The following ASTN2 variants were observed in gnomAD, a reference collection of about 807,000 sequenced individuals.
ASTN2 encodes astrotactin 2, also known as astrotactin-2.
ASTN2 carries 54 observed loss-of-function variants against 139.8 expected under a neutral mutation model. That is an observed-to-expected ratio of 0.39 (90% CI 0.31 to 0.48). The LOEUF (loss-of-function observed/expected upper bound fraction) is 0.48. ASTN2 is among the 20% of genes least tolerant of loss of function. The probability of loss-of-function intolerance (pLI) is 0.95; values close to 1 mark genes in which losing one functional copy is unlikely to be tolerated. For synonymous variants in ASTN2, 756 were observed against 719.5 expected (o/e 1.05, Z -0.81); for missense variants, 1,565 against 1,725.1 (o/e 0.91, Z 1.64).
At chr9:116,761,470 A>G (rs1268989513) in intron 13 of ASTN2, among the ~76,000 whole-genome samples, 11 of 152,208 alleles carry the variant, frequency 7.2e-5, no homozygotes, top group Admixed American at 7.2e-4. Flanking sequence ...AGGTGTTCAA[A>G]GAAGACTCCT....
rs558813171 is a variant in ASTN2 at position 116,992,968 on chromosome 9, A to T, written c.1591+15124T>A. ...CCAAGCCACCACCATCTCTGGCATC[A>T]CATCAGTCTTCCCCATCAGTCTCCC... is the stretch of plus-strand genomic sequence containing the variant. On this transcript the variant is annotated intron_variant, in intron 7 of 22. Transcript: ENST00000313400. Among the ~76,000 whole-genome samples the T allele has an allele frequency of 2.6e-5, 4 of 152,270 alleles. No homozygotes were observed. The East Asian group carries it at 7.7e-4, about 29-fold the overall frequency.
chr9:116,732,539 G>A (rs898932843), intron 14 of ASTN2, among the ~76,000 whole-genome samples: 8 of 152,126 alleles, frequency 5.3e-5, no homozygotes, highest in South Asian at 2.1e-4. Flanking sequence ...CGATTCCCCC[G>A]TGACTATTCT....
chr9:116,679,479 C>G (rs940246782), intron 16 of ASTN2, among the ~76,000 whole-genome samples: 8 of 152,166 alleles, frequency 5.3e-5, no homozygotes, highest in East Asian at 1.9e-4. Context: ...TCTAATATGA[C>G]TTAGTATATG....
chr9:117,016,791 ATATATAGGT>A (rs1288094594), intron 6 of ASTN2, among the ~76,000 whole-genome samples: 1 of 119,128 alleles, frequency 8.4e-6, no homozygotes, highest in Non-Finnish European at 1.8e-5. Context: ...TATATAGGTT[ATATATAGGT>A]TATATATATG....
At chr9:117,199,357 C>T (rs951477268) in intron 3 of ASTN2, among the ~76,000 whole-genome samples, 1 of 152,174 alleles carries the variant, frequency 6.6e-6, no homozygotes, top group Non-Finnish European at 1.5e-5. Flanking sequence ...TATGGCTAGC[C>T]AGCACCATTT....
intron 3 of ASTN2, among the ~76,000 whole-genome samples, chr9:117,196,912 T>C (rs12554915): frequency 2.7e-3 from 417 of 151,968 alleles, no homozygotes; most frequent in Middle Eastern, 0.014. Context: ...CAGCTCCCCT[T>C]GAGAGAATAA....
At chr9:117,076,395 G>A (rs772693033) in intron 5 of ASTN2, among the ~76,000 whole-genome samples, 21 of 151,706 alleles carry the variant, frequency 1.4e-4, no homozygotes, top group Non-Finnish European at 2.6e-4. Flanking sequence ...AAGGAAAGAA[G>A]GAAGGAGAAA....
intron 1 of ASTN2, among the ~76,000 whole-genome samples, chr9:117,325,791 G>T (rs891731357): frequency 1.3e-5 from 2 of 152,090 alleles, no homozygotes; most frequent in African/African-American, 4.8e-5. Context: ...GAACAGAGGT[G>T]GAAGAAGAAA....
chr9:116,901,763 C>T (rs773855074), intron 10 of ASTN2, among the ~76,000 whole-genome samples: 26 of 152,142 alleles, frequency 1.7e-4, no homozygotes, highest in Non-Finnish European at 2.4e-4. Context: ...AGGCCAGGCA[C>T]GGTGGCTCAC....
rs746020940 is a variant in ASTN2, at chr9:116,820,775, C to T, written c.2049G>A (p.Glu683=). ...QVDSSGCVCP[E]ELKPMKDGSG... ...AGCCATCCTTCATGGGTTTCAGCTCCTCAGGGCACTGCTCAGAGAGAGGGC... is the reference window on the plus strand; with the variant it reads ...AGCCATCCTTCATGGGTTTCAGCTCTTCAGGGCACTGCTCAGAGAGAGGGC... Residue 683 remains glutamate (E), a synonymous_variant, in exon 12 of 23, where the codon GAG becomes GAA. Transcript: ENST00000313400. 1.2e-6 allele frequency: 2 copies of T among 1,613,520 alleles called. No homozygotes were observed. The highest frequency in any genetic ancestry group is 1.7e-5 in the Admixed American group (1 of 59,970).
chr9:116,766,305 C>A (rs1162735012), intron 13 of ASTN2, among the ~76,000 whole-genome samples: 1 of 152,082 alleles, frequency 6.6e-6, no homozygotes, highest in African/African-American at 2.4e-5. Context: ...CAGTTACACT[C>A]ACATACACTT....
intron 19 of ASTN2, among the ~76,000 whole-genome samples, chr9:116,544,496 T>C (rs980161034): frequency 2.6e-5 from 4 of 152,220 alleles, no homozygotes; most frequent in Non-Finnish European, 4.4e-5. Context: ...TTATTTGCTA[T>C]GTTTCCCCAT....
At chr9:116,426,514 T>C (rs1429657383) in intron 22 of ASTN2, among the ~76,000 whole-genome samples, 2 of 152,168 alleles carry the variant, frequency 1.3e-5, no homozygotes, top group East Asian at 3.9e-4. Context: ...ATCCTGAATG[T>C]ATTGTCTACC....
chr9:116,928,467 G>GT (rs1834817924), intron 10 of ASTN2, among the ~76,000 whole-genome samples: 2 of 152,060 alleles, frequency 1.3e-5, no homozygotes, highest in Non-Finnish European at 2.9e-5. Flanking sequence ...AATCTTTGTC[G>GT]TAACAGCTGT....
chr9:117,312,802 G>C (rs377501083), intron 1 of ASTN2, among the ~76,000 whole-genome samples: 28 of 152,098 alleles, frequency 1.8e-4, no homozygotes, highest in African/African-American at 6.5e-4. Flanking sequence ...TGAAATGAAA[G>C]GATCAGATGT....
chr9:117,231,518 TAAAAC>T lies in ASTN2; in HGVS notation c.631-16781_631-16777del, dbSNP rs531351914. 5.3e-5 allele frequency among the ~76,000 whole-genome samples: 8 copies of T among 152,272 alleles called. No individual in the cohort carries two copies. The East Asian group carries it at 1.4e-3, about 26-fold the overall frequency. Reference sequence around the variant, plus strand: ...AATCTATCTGATATAATTGTAAAAATAAAACAAAATAATCGATACATTGGTTTGAA... The same window carrying T: ...AATCTATCTGATATAATTGTAAAAATAAAATAATCGATACATTGGTTTGAA... On this transcript the variant is annotated intron_variant, in intron 2 of 22. Transcript: ENST00000313400.
At chr9:116,527,445 C>T (rs1040724880) in intron 19 of ASTN2, among the ~76,000 whole-genome samples, 1 of 152,046 alleles carries the variant, frequency 6.6e-6, no homozygotes, top group African/African-American at 2.4e-5. Context: ...CACTAACCAC[C>T]AGATAAATGA....
intron 16 of ASTN2, among the ~76,000 whole-genome samples, chr9:116,666,946 ATTCT>A (rs1448560102): frequency 5.5e-4 from 65 of 118,656 alleles, no homozygotes; most frequent in Admixed American, 2.0e-3. Context: ...TTATTTATTT[ATTCT>A]TTTTTTTTTT....
chr9:116,804,494 A>G (rs975667980), intron 13 of ASTN2, among the ~76,000 whole-genome samples: 3 of 152,180 alleles, frequency 2.0e-5, no homozygotes, highest in Non-Finnish European at 4.4e-5. Flanking sequence ...CTCCTGCCTC[A>G]CAGGATCATT....
Sources: gnomAD v4.1 joint callset for allele counts (sites outside exome capture counted in the v4.1 genomes callset) on GRCh38, gnomAD v4.1.1 for gene constraint, MANE v1.5 for transcripts, NCBI Gene and HGNC (gene_info 2026-07-23, HGNC 2026-07-21) for gene names.